The following SCIMP variants were observed in gnomAD, a reference collection of about 807,000 sequenced individuals.
The protein encoded by SCIMP is SLP adaptor and CSK interacting membrane protein, also known as SLP adapter and CSK-interacting membrane protein.
SCIMP carries 18 observed loss-of-function variants against 22.0 expected under a neutral mutation model. The ratio of observed to expected loss-of-function variants is 0.82; its 90% confidence interval spans 0.56 to 1.21. The LOEUF (loss-of-function observed/expected upper bound fraction) is 1.21, where lower values mean the gene tolerates loss of function less well. Among genes scored for constraint, SCIMP ranks in the 50% most tolerant of loss-of-function variants. SCIMP has a pLI of 0.00. For synonymous variants in SCIMP, 53 were observed against 62.2 expected, an observed-to-expected ratio of 0.85 and a Z score of 0.70; for missense variants, 155 against 171.2, an observed-to-expected ratio of 0.91 and a Z score of 0.53.
intron 1 of SCIMP, among the ~76,000 whole-genome samples, chr17:5,229,007 T>A (rs2074673299): frequency 6.6e-6 from 1 of 152,196 alleles, no homozygotes; most frequent in Admixed American, 6.6e-5. Flanking sequence ...AAGCCTCATC[T>A]GGACACGCGA....
intron 3 of SCIMP, 57 bp from the exon 4 acceptor site, chr17:5,215,055 G>T: frequency 9.5e-7 from 1 of 1,057,326 alleles, no homozygotes; most frequent in Non-Finnish European, 1.5e-6. Flanking sequence ...CCTGCTCCCA[G>T]CCGATTTAAG....
intron 1 of SCIMP, among the ~76,000 whole-genome samples, chr17:5,224,474 GTTTT>G (rs1555614205): frequency 1.5e-5 from 1 of 65,622 alleles, no homozygotes; most frequent in African/African-American, 5.6e-5. Flanking sequence ...TTGTTTGTTT[GTTTT>G]TTGAGACAGA....
At chr17:5,230,893 T>C (rs1375880545) in intron 1 of SCIMP, among the ~76,000 whole-genome samples, 1 of 152,152 alleles carries the variant, frequency 6.6e-6, no homozygotes, top group African/African-American at 2.4e-5. Flanking sequence ...TGAGCTGTGA[T>C]TACCATCAGT....
rs553273127 is a variant in SCIMP, at chr17:5,213,332, G to C, written c.283+1593C>G. ...AGTGATGCTATCGTGGCTCACTGCA[G>C]ACCTCCCAGGCTCAAGCGATCCCCC... On this transcript the variant is annotated intron_variant, in intron 4 of 4. Transcript: ENST00000574081. The C allele has an allele frequency of 6.4e-4, 490 of 764,404 alleles. 2 individuals are homozygous for C. In the African/African-American group the frequency reaches 9.2e-3, roughly 14 times the overall value. The allele number at this position is 764,404 out of a possible 1,614,324, so 47.4% of individuals were successfully genotyped here.
chr17:5,230,236 G>A (rs1354367698), intron 1 of SCIMP, among the ~76,000 whole-genome samples: 1 of 152,186 alleles, frequency 6.6e-6, no homozygotes, highest in Non-Finnish European at 1.5e-5. Flanking sequence ...ATGCAAAAGA[G>A]CTCTGTGTGC....
intron 3 of SCIMP, among the ~76,000 whole-genome samples, chr17:5,220,252 A>G (rs1193328752): frequency 6.6e-6 from 1 of 152,154 alleles, no homozygotes; most frequent in East Asian, 1.9e-4. Flanking sequence ...CGCTGGGCCC[A>G]GAACACAGAG....
intron 1 of SCIMP, among the ~76,000 whole-genome samples, chr17:5,234,414 A>C (rs972567979): frequency 6.6e-6 from 1 of 151,840 alleles, no homozygotes; most frequent in Non-Finnish European, 1.5e-5. Flanking sequence ...AACTCGTTAC[A>C]GTTGAGACCT....
At chr17:5,229,586 G>A (rs529225384) in intron 1 of SCIMP, among the ~76,000 whole-genome samples, 2 of 151,802 alleles carry the variant, frequency 1.3e-5, no homozygotes, top group South Asian at 2.1e-4. Flanking sequence ...TAGAGATGGC[G>A]TTTCACACCA....
At chr17:5,214,838 TA>T (rs34085108) in intron 4 of SCIMP, 86 bp downstream of exon 4, 141,318 of 446,530 alleles carry the variant, frequency 0.32, 17,201 homozygotes, top group African/African-American at 0.47. Context: ...AGACTCCATC[TA>T]AAAAAAAAAA....
At chr17:5,217,757 G>T (rs2074576364) in intron 3 of SCIMP, among the ~76,000 whole-genome samples, 1 of 151,548 alleles carries the variant, frequency 6.6e-6, no homozygotes. Flanking sequence ...ATTTTTTATG[G>T]CTGCATAGTA....
chr17:5,218,020 G>A (rs368796825), intron 3 of SCIMP, among the ~76,000 whole-genome samples: 1 of 151,828 alleles, frequency 6.6e-6, no homozygotes. Flanking sequence ...CTAGTTTACC[G>A]TCCCACCAAC....
At chr17:5,227,288 AC>A (rs1309190309) in intron 1 of SCIMP, among the ~76,000 whole-genome samples, 1 of 96,234 alleles carries the variant, frequency 1.0e-5, no homozygotes, top group Non-Finnish European at 2.1e-5. Flanking sequence ...ATACACACAC[AC>A]ACAACACACA....
At chr17:5,218,949 T>C (rs891543424) in intron 3 of SCIMP, among the ~76,000 whole-genome samples, 6 of 152,152 alleles carry the variant, frequency 3.9e-5, no homozygotes, top group African/African-American at 1.4e-4. Flanking sequence ...AGATAGTGTG[T>C]ATACTCCAAA....
intron 1 of SCIMP, among the ~76,000 whole-genome samples, chr17:5,229,675 C>T (rs970424039): frequency 6.6e-6 from 1 of 152,082 alleles, no homozygotes; most frequent in African/African-American, 2.4e-5. Flanking sequence ...GGATTACAGG[C>T]ATGAGCCACT....
Position 5,229,384 on chromosome 17 carries a change from C to CTTT in SCIMP, c.21+5348_21+5350dup, listed in dbSNP as rs71151849. Among the ~76,000 whole-genome samples the CTTT allele has an allele frequency of 2.5e-4, 15 of 59,284 alleles. 2 individuals are homozygous for CTTT. Among genetic ancestry groups the CTTT allele is most frequent in the African/African-American group, 5.1e-4 (7 of 13,630 alleles). 38.9% of individuals were successfully genotyped at this position (59,284 alleles called of 152,430 possible). Reference sequence around the variant, plus strand: ...TTTCTGAGACTGTGGGTTTATTTAGCTTTTTTTTTTTTTTTTTTTTTTTTT... The same window carrying CTTT: ...TTTCTGAGACTGTGGGTTTATTTAGCTTTTTTTTTTTTTTTTTTTTTTTTTTTT... On this transcript the variant is annotated intron_variant, in intron 1 of 4. Coordinates refer to ENST00000574081, the MANE Select transcript of SCIMP (RefSeq NM_207103.3).
intron 4 of SCIMP, chr17:5,214,156 A>G (rs1256307859): frequency 6.6e-6 from 1 of 152,242 alleles, no homozygotes; most frequent in Non-Finnish European, 1.5e-5. Context: ...ATCGGCCAAC[A>G]CCCTCATCTC....
chr17:5,229,711 AAAG>A (rs143667522), intron 1 of SCIMP, among the ~76,000 whole-genome samples: 5,261 of 151,618 alleles, frequency 0.035, 301 homozygotes, highest in African/African-American at 0.12. Flanking sequence ...AGCATTTTTA[AAAG>A]AAGATCTTCA....
chr17:5,234,313 C>T (rs776023499), intron 1 of SCIMP, among the ~76,000 whole-genome samples: 6 of 151,960 alleles, frequency 3.9e-5, no homozygotes, highest in Non-Finnish European at 8.8e-5. Flanking sequence ...GTCAGTGCCT[C>T]GCTCCCACCC....
At chr17:5,224,563 T>C (rs1336601821) in intron 1 of SCIMP, among the ~76,000 whole-genome samples, 1 of 151,858 alleles carries the variant, frequency 6.6e-6, no homozygotes. Flanking sequence ...CCCAAGCAAT[T>C]CTCCTGCCTC....
Sources: gnomAD v4.1 joint callset for allele counts (sites outside exome capture counted in the v4.1 genomes callset) on GRCh38, gnomAD v4.1.1 for gene constraint, MANE v1.5 for transcripts, NCBI Gene and HGNC (gene_info 2026-07-23, HGNC 2026-07-21) for gene names.